KAZN: variants seen among roughly 807,000 people sequenced by gnomAD.
The protein encoded by KAZN is kazrin.
In KAZN, 40 loss-of-function variants were observed where a neutral mutation model predicts 87.4. The ratio of observed to expected loss-of-function variants is 0.46; its 90% CI spans 0.36 to 0.60. The LOEUF (loss-of-function observed/expected upper bound fraction) is 0.60, where lower values mean the gene tolerates loss of function less well. Among genes scored for constraint, KAZN ranks in the 20% least tolerant of loss-of-function variants. The probability of loss-of-function intolerance (pLI) is 0.00; values close to 1 mark genes in which losing one functional copy is unlikely to be tolerated. For synonymous variants in KAZN, 466 were observed against 458.3 expected, an observed-to-expected ratio of 1.02 and a Z score of -0.22; for missense variants, 898 against 1,073.9, an observed-to-expected ratio of 0.84 and a Z score of 2.29.
chr1:14,659,262 A>T (rs1262699991), intron 1 of KAZN, among the ~76,000 whole-genome samples: 1 of 151,994 alleles, frequency 6.6e-6, no homozygotes, highest in Non-Finnish European at 1.5e-5. Context: ...TAAATAAATA[A>T]ATAAAAGAGA....
At chr1:15,091,900 A>G (rs1640547970) in intron 8 of KAZN, among the ~76,000 whole-genome samples, 1 of 152,174 alleles carries the variant, frequency 6.6e-6, no homozygotes, top group Non-Finnish European at 1.5e-5. Context: ...CCAGCACAGA[A>G]AGGCAGTAAC....
chr1:14,166,199 C>A (rs1645823351), intron 1 of KAZN, among the ~76,000 whole-genome samples: 1 of 152,162 alleles, frequency 6.6e-6, no homozygotes. Context: ...CCTGTAATCC[C>A]AGCTACCCAG....
intron 1 of KAZN, among the ~76,000 whole-genome samples, chr1:14,704,925 T>C (rs1209455661): frequency 6.6e-6 from 1 of 152,214 alleles, no homozygotes; most frequent in Non-Finnish European, 1.5e-5. Flanking sequence ...CTTTCCTTGG[T>C]TTTCCTTCTA....
intron 1 of KAZN, among the ~76,000 whole-genome samples, chr1:14,681,634 TATATATATATATATATATATATA>T (rs1168027077): frequency 3.8e-3 from 44 of 11,628 alleles, no homozygotes; most frequent in East Asian, 0.019. Flanking sequence ...TATATATATA[TATATATATATATATATATATATA>T]TTTTTTTTTT....
chr1:14,608,699 G>A (rs6696546), intron 1 of KAZN, among the ~76,000 whole-genome samples: 111,721 of 151,988 alleles, frequency 0.74, 41,641 homozygotes, highest in Non-Finnish European at 0.81. Context: ...TCTTTTCAAA[G>A]AGAGTTAAAA....
At chr1:15,016,377 C>T (rs1241068702) in intron 2 of KAZN, among the ~76,000 whole-genome samples, 3 of 152,152 alleles carry the variant, frequency 2.0e-5, no homozygotes, top group African/African-American at 7.2e-5. Context: ...CCTCTGCCTC[C>T]CAGGATCAAA....
At chr1:14,268,581 T>G (rs1013658517) in intron 2 of KAZN, among the ~76,000 whole-genome samples, 1 of 152,102 alleles carries the variant, frequency 6.6e-6, no homozygotes, top group African/African-American at 2.4e-5. Flanking sequence ...TGCTCTCACC[T>G]CTGTTTTCAA....
chr1:14,218,534 AG>A (rs1189535817), intron 2 of KAZN, among the ~76,000 whole-genome samples: 1 of 152,200 alleles, frequency 6.6e-6, no homozygotes, highest in Non-Finnish European at 1.5e-5. Flanking sequence ...GAAAACTATT[AG>A]GATTATGTCA....
At chr1:14,872,306 T>C (rs1652233095) in intron 1 of KAZN, among the ~76,000 whole-genome samples, 1 of 152,244 alleles carries the variant, frequency 6.6e-6, no homozygotes, top group South Asian at 2.1e-4. Context: ...ACTTTCTATT[T>C]AATATGGTAG....
chr1:14,553,777 C>T (rs539647386), intron 2 of KAZN, among the ~76,000 whole-genome samples: 67 of 152,282 alleles, frequency 4.4e-4, no homozygotes, highest in South Asian at 1.7e-3. Flanking sequence ...GGTTGTCAGG[C>T]GCCAGGGCAG....
intron 1 of KAZN, among the ~76,000 whole-genome samples, chr1:14,125,594 T>C (rs1390975788): frequency 6.6e-6 from 1 of 151,888 alleles, no homozygotes; most frequent in Non-Finnish European, 1.5e-5. Flanking sequence ...GCTGGGAGGG[T>C]CAAGGGACTA....
intron 2 of KAZN, among the ~76,000 whole-genome samples, chr1:14,963,800 G>GCC (rs1664155274): frequency 6.7e-6 from 1 of 149,314 alleles, no homozygotes; most frequent in Admixed American, 6.6e-5. Context: ...TGCCCAACAG[G>GCC]CCCCAGTGTG....
At chr1:14,882,956 A>C (rs1572719917) in intron 1 of KAZN, among the ~76,000 whole-genome samples, 2 of 152,156 alleles carry the variant, frequency 1.3e-5, no homozygotes, top group Middle Eastern at 3.4e-3. Flanking sequence ...TCAAATTCAG[A>C]CATCTCTCTC....
intron 2 of KAZN, among the ~76,000 whole-genome samples, chr1:14,984,476 T>C (rs909010382): frequency 2.0e-5 from 3 of 152,152 alleles, no homozygotes; most frequent in African/African-American, 7.2e-5. Flanking sequence ...TCATATGGAA[T>C]GGGGGAAGGC....
At chr1:14,885,241 C>T (rs1385002742) in intron 1 of KAZN, among the ~76,000 whole-genome samples, 1 of 152,120 alleles carries the variant, frequency 6.6e-6, no homozygotes, top group African/African-American at 2.4e-5. Context: ...TGGCTCGCCC[C>T]CATCCTTCTT....
chr1:14,406,879 A>G (rs772408669), intron 2 of KAZN, among the ~76,000 whole-genome samples: 8 of 152,194 alleles, frequency 5.3e-5, no homozygotes, highest in Non-Finnish European at 1.0e-4. Flanking sequence ...AAGACAGCTA[A>G]TAATAGTAGA....
intron 2 of KAZN, among the ~76,000 whole-genome samples, chr1:14,520,663 T>C (rs1217692659): frequency 6.6e-6 from 1 of 152,202 alleles, no homozygotes; most frequent in African/African-American, 2.4e-5. Flanking sequence ...GGTTCGCCTC[T>C]GGAAGCAGCC....
intron 1 of KAZN, among the ~76,000 whole-genome samples, chr1:14,168,384 CGGAGTTCT>C (rs1645878169): frequency 6.6e-6 from 1 of 152,182 alleles, no homozygotes; most frequent in South Asian, 2.1e-4. Flanking sequence ...GAGTTCTTTA[CGGAGTTCT>C]GGGATGCGCA....
chr1:14,038,776 T>C (rs1314671427), intron 1 of KAZN, among the ~76,000 whole-genome samples: 1 of 151,816 alleles, frequency 6.6e-6, no homozygotes, highest in Non-Finnish European at 1.5e-5. Context: ...AAGCATGGAG[T>C]TGAAAATGAG....
Sources: allele counts gnomAD v4.1 joint callset (sites outside exome capture counted in the v4.1 genomes callset), GRCh38; gene constraint gnomAD v4.1.1; transcripts MANE v1.5; gene names NCBI Gene and HGNC (gene_info 2026-07-23, HGNC 2026-07-21).